The following HEATR5B variants were observed in gnomAD, a reference collection of about 807,000 sequenced individuals.
HEATR5B encodes the protein HEAT repeat-containing protein 5B.
HEATR5B carries 156 observed loss-of-function variants against 224.1 expected under a neutral mutation model. The ratio of observed to expected loss-of-function variants is 0.70; its 90% CI spans 0.61 to 0.80. The LOEUF (loss-of-function observed/expected upper bound fraction) is 0.80, where lower values mean the gene tolerates loss of function less well. Ranked by LOEUF, HEATR5B falls within the 30% of genes least tolerant of loss-of-function variation. The probability of loss-of-function intolerance (pLI) is 0.00; values close to 1 mark genes in which losing one functional copy is unlikely to be tolerated. For synonymous variants in HEATR5B, 1,027 were observed against 893.0 expected (o/e 1.15, Z -2.68); for missense variants, 2,323 against 2,535.5 (o/e 0.92, Z 1.80).
chr2:36,985,730 G>A (rs376445891), intron 35 of HEATR5B, among the ~76,000 whole-genome samples: 1 of 148,094 alleles, frequency 6.8e-6, no homozygotes, highest in Non-Finnish European at 1.5e-5. Context: ...CTCCCAAAGT[G>A]TTGGCATTAC....
At chr2:37,057,291 A>G in intron 15 of HEATR5B, 26 bp downstream of exon 15, 1 of 1,543,052 alleles carries the variant, frequency 6.5e-7, no homozygotes, top group South Asian at 1.2e-5. Context: ...TTAAGTTAGT[A>G]TTTCATTTTC....
chr2:37,021,881 T>C (rs548152876), intron 24 of HEATR5B, among the ~76,000 whole-genome samples: 1 of 102,724 alleles, frequency 9.7e-6, no homozygotes, highest in African/African-American at 5.0e-5. Context: ...AGTGAGACCC[T>C]GTTTCAAAAA....
chr2:37,071,993 C>G (rs538911813), intron 6 of HEATR5B, 117 bp downstream of exon 6: 13 of 831,580 alleles, frequency 1.6e-5, no homozygotes, highest in Non-Finnish European at 2.2e-5. Context: ...CAGGTTCTTT[C>G]ATTTTATGGA....
chr2:37,071,660 G>A (rs1671915094), intron 6 of HEATR5B, among the ~76,000 whole-genome samples: 2 of 151,436 alleles, frequency 1.3e-5, no homozygotes, highest in Admixed American at 1.3e-4. Context: ...ACTACATCAA[G>A]GAAAATGCCA....
rs781501617 is a variant in HEATR5B, at chr2:36,990,657, G to T, written c.5688C>A (p.Cys1896Ter). 1 of 1,584,176 alleles carries T rather than the reference G, an allele frequency of 6.3e-7. No homozygotes were observed. Among genetic ancestry groups the T allele is most frequent in the Non-Finnish European group, 8.6e-7 (1 of 1,164,594 alleles). The change falls in exon 34 of 36, where the codon TGC becomes TGA. Residue 1896 changes from cysteine to a stop codon, truncating the protein, a stop_gained. Transcript: ENST00000233099. LOFTEE classifies it high-confidence loss of function. The part of the protein sequence containing the change: ...MNRFKNALNS[C>*]DPWVQAKCYQ... ...GTAACGTGTAACTTACCCATGGGTC[G>T]CATGAATTTAATGCATTTTTAAATC...
chr2:36,981,464 T>C lies in HEATR5B; in HGVS notation c.*26A>G. On this transcript the variant is annotated 3_prime_UTR_variant, in exon 36 of 36. Transcript: ENST00000233099. ...ACTAATTAGGGGCTAGTTGACAACA[T>C]AAATACAAATAAATGAAATTACAAA... is the stretch of plus-strand genomic sequence containing the variant. The C allele has an allele frequency of 6.4e-7, 1 of 1,571,066 alleles. No individual in the cohort carries two copies. The highest frequency in any genetic ancestry group is 8.7e-7 in the Non-Finnish European group (1 of 1,153,932).
At position 37,075,531 on chromosome 2, in the gene HEATR5B, G is replaced by C; in HGVS notation, c.551C>G (p.Ser184Cys). Residue 184 changes from serine to cysteine, a missense_variant, in exon 5 of 36, where the codon TCT becomes TGT. This residue lies in a region of HEATR5B where 292 missense variants were observed against 332.6 expected (regional missense o/e 0.88). Coordinates refer to ENST00000233099, the MANE Select transcript of HEATR5B (RefSeq NM_019024.3). ...SHRDIYKNAR[S>C]LLTDRSMAVR... ...AGCCATTGACCTATCAGTCAAGAGA[G>C]ACCTGGCATTCTTGTAAATATCACG... The C allele has an allele frequency of 1.1e-5, 17 of 1,614,072 alleles. No homozygotes were observed. Among genetic ancestry groups the C allele is most frequent in the Non-Finnish European group, 1.4e-5 (16 of 1,179,964 alleles).
At chr2:37,067,526 T>C (rs1188929924) in intron 8 of HEATR5B, among the ~76,000 whole-genome samples, 2 of 152,198 alleles carry the variant, frequency 1.3e-5, no homozygotes, top group African/African-American at 4.8e-5. Flanking sequence ...CCCAGCACTC[T>C]GGGAGGCCAA....
chr2:37,028,619 A>T, intron 23 of HEATR5B, 62 bp downstream of exon 23: 1 of 1,329,788 alleles, frequency 7.5e-7, no homozygotes, highest in Non-Finnish European at 1.1e-6. Flanking sequence ...ACATATATCT[A>T]TATGTATATA....
At position 37,049,850 on chromosome 2, in the gene HEATR5B, TAAAAAA is replaced by T; in HGVS notation, c.2506-13_2506-8del. ...TTTTGTTTTCAGCTAAGCCCTACAT[TAAAAAA>T]AAAAAAAAAAAAAAGACAGCAATTC... On this transcript the variant is annotated splice_polypyrimidine_tract_variant and splice_region_variant and intron_variant, in intron 17 of 35. Coordinates refer to ENST00000233099, the MANE Select transcript of HEATR5B (RefSeq NM_019024.3). The T allele has an allele frequency of 4.7e-4, 472 of 999,740 alleles. No homozygotes were observed. The highest frequency in any genetic ancestry group is 6.9e-4 in the Middle Eastern group (2 of 2,880). The allele number at this position is 999,740 out of a possible 1,614,324, so 61.9% of individuals were successfully genotyped here. A position where few individuals can be genotyped will look rare whatever the true frequency, so the allele number is the denominator to read the frequency against.
chr2:37,076,968 C>T lies in HEATR5B; in HGVS notation c.390G>A (p.Leu130=), dbSNP rs1672274329. The change falls in exon 4 of 36, where the codon TTG becomes TTA. Residue 130 remains leucine (L), a synonymous_variant. Transcript: ENST00000233099. ...TTACCGTTTCTGGAAATGCGCTGCC[C>T]AACATTCTCCCCATTTTTTCATAAA... ...GAFYEKMGRM[L]GSAFPETVNN... is the part of the protein sequence containing the mutation. The T allele has an allele frequency of 3.1e-6, 5 of 1,613,974 alleles. No homozygotes were observed. Among genetic ancestry groups the T allele is most frequent in the Non-Finnish European group, 4.2e-6 (5 of 1,180,004 alleles).
intron 6 of HEATR5B, 67 bp from the exon 7 acceptor site, chr2:37,070,454 G>T: frequency 1.6e-6 from 2 of 1,253,668 alleles, no homozygotes; most frequent in Non-Finnish European, 2.2e-6. Flanking sequence ...AATAATTCAA[G>T]TAATTATTTT....
chr2:37,034,608 G>T (rs1157666712), intron 21 of HEATR5B, among the ~76,000 whole-genome samples: 1 of 82,530 alleles, frequency 1.2e-5, no homozygotes, highest in African/African-American at 5.6e-5. Flanking sequence ...GCGAGACTCT[G>T]TCTCAAAAAA....
chr2:37,023,989 A>G (rs2148448499), intron 24 of HEATR5B, among the ~76,000 whole-genome samples: 1 of 152,330 alleles, frequency 6.6e-6, no homozygotes, highest in South Asian at 2.1e-4. Context: ...ACTATTCACA[A>G]TAACTGAGAT....
chr2:37,065,972 T>G (rs889833701), intron 8 of HEATR5B, 62 bp from the exon 9 acceptor site: 3 of 1,489,036 alleles, frequency 2.0e-6, no homozygotes, highest in Non-Finnish European at 2.8e-6. Context: ...ATTTTTTTGG[T>G]CTATACAATT....
Position 37,000,822 on chromosome 2 carries a change from AAAAC to A in HEATR5B, c.5318-13_5318-10del, listed in dbSNP as rs1268451599. 1.3e-6 allele frequency: 2 copies of A among 1,562,630 alleles called. No individual in the cohort carries two copies. The highest frequency in any genetic ancestry group is 1.8e-6 in the Non-Finnish European group (2 of 1,133,542). ...CAGGATTGTCATACATCCTGAAAGA[AAAAC>A]AAATCAGATCACCTCATAACTATTC... On this transcript the variant is annotated splice_polypyrimidine_tract_variant and intron_variant, in intron 32 of 35. Transcript: ENST00000233099.
rs149034439 is a variant in HEATR5B at position 37,027,257 on chromosome 2, A to G, written c.3853+666T>C. Among the ~76,000 whole-genome samples, 17 of 152,300 alleles carry G rather than the reference A, an allele frequency of 1.1e-4. No individual in the cohort carries two copies. In the East Asian group the frequency reaches 3.1e-3, roughly 28 times the overall value. On this transcript the variant is annotated intron_variant, in intron 24 of 35. Coordinates refer to ENST00000233099, the MANE Select transcript of HEATR5B (RefSeq NM_019024.3). Reference sequence around the variant, plus strand: ...AATGACTGGGTGATGAAGAGACAACAAACTATAGGATAAGGAATCTGTTAC... The same window carrying G: ...AATGACTGGGTGATGAAGAGACAACGAACTATAGGATAAGGAATCTGTTAC...
chr2:37,040,279 A>G (rs1669789288), intron 20 of HEATR5B, 50 bp downstream of exon 20: 1 of 1,419,532 alleles, frequency 7.0e-7, no homozygotes, highest in Non-Finnish European at 9.9e-7. Flanking sequence ...AGGAAATTTA[A>G]AGATACTGAT....
chr2:37,063,252 G>GT (rs1489593013), intron 10 of HEATR5B, among the ~76,000 whole-genome samples: 4 of 152,274 alleles, frequency 2.6e-5, no homozygotes, highest in Non-Finnish European at 5.9e-5. Context: ...AGAATGGCTA[G>GT]TATAGACTTA....
Sources: allele counts gnomAD v4.1 joint callset (sites outside exome capture counted in the v4.1 genomes callset), GRCh38; gene constraint gnomAD v4.1.1; regional missense constraint gnomAD v4.1.1; transcripts MANE v1.5; gene names NCBI Gene and HGNC (gene_info 2026-07-23, HGNC 2026-07-21).